PTPN9: variants seen among roughly 807,000 people sequenced by gnomAD.
PTPN9 encodes tyrosine-protein phosphatase non-receptor type 9.
Under a neutral mutation model 69.8 loss-of-function variants are expected in PTPN9, and 26 were observed. The observed-to-expected ratio is 0.37, with a 90% CI of 0.27 to 0.52. The LOEUF (loss-of-function observed/expected upper bound fraction) is 0.52, where lower values mean the gene tolerates loss of function less well. Among genes scored for constraint, PTPN9 ranks in the 20% least tolerant of loss-of-function variants. The pLI, the probability that PTPN9 is intolerant of heterozygous loss-of-function variation, is 0.91. For synonymous variants in PTPN9, 274 were observed against 272.5 expected, an observed-to-expected ratio of 1.01 and a Z score of -0.05; for missense variants, 549 against 740.3, an observed-to-expected ratio of 0.74 and a Z score of 3.00.
At chr15:75,513,386 T>C (rs1350994946) in intron 5 of PTPN9, 2 of 455,958 alleles carry the variant, frequency 4.4e-6, no homozygotes, top group East Asian at 1.4e-4. Context: ...ATGCTGTATA[T>C]TCTCCATAGA....
rs575195036 is a variant in PTPN9 at position 75,525,383 on chromosome 15, G to A, written c.208-1085C>T. ...TAATTTTTGTGTTTTTAGTAGAGAC[G>A]GGGTTTTGCCATGTTGCCCAGGCTG... On this transcript the variant is annotated intron_variant, in intron 2 of 12. Transcript: ENST00000618819. Among the ~76,000 whole-genome samples the A allele has an allele frequency of 9.9e-5, 15 of 151,026 alleles. No homozygotes were observed. In the South Asian group the frequency reaches 1.5e-3, roughly 15 times the overall value.
Position 75,492,399 on chromosome 15 carries a change from C to T in PTPN9, c.969-2098G>A, listed in dbSNP as rs189706137. On this transcript the variant is annotated intron_variant, in intron 7 of 12. Transcript: ENST00000618819. ...ACAGAAGCTAGGACCAAGGGAGGTA[C>T]CTATAGAGAGACAAGATGGCACACC... Among the ~76,000 whole-genome samples, 5 of 152,122 alleles carry T rather than the reference C, an allele frequency of 3.3e-5. No individual in the cohort carries two copies. In the East Asian group the frequency reaches 9.6e-4, roughly 29 times the overall value.
At chr15:75,503,450 G>A (rs1169893706) in intron 7 of PTPN9, among the ~76,000 whole-genome samples, 30 of 140,900 alleles carry the variant, frequency 2.1e-4, no homozygotes, top group Non-Finnish European at 3.7e-4. Flanking sequence ...CAGCCGCCCC[G>A]TCTGAGAAGT....
chr15:75,480,508 G>A (rs2074623351), intron 8 of PTPN9, among the ~76,000 whole-genome samples: 1 of 150,740 alleles, frequency 6.6e-6, no homozygotes, highest in Admixed American at 6.6e-5. Context: ...GCCCCAGAAG[G>A]CTCGAAGGCG....
chr15:75,510,070 T>C (rs934248032), intron 5 of PTPN9, among the ~76,000 whole-genome samples: 1 of 152,218 alleles, frequency 6.6e-6, no homozygotes, highest in Admixed American at 6.5e-5. Flanking sequence ...GTATGCATAA[T>C]CTTTTTTTAA....
At chr15:75,522,169 GACT>G (rs1175570549) in intron 4 of PTPN9, among the ~76,000 whole-genome samples, 2 of 152,148 alleles carry the variant, frequency 1.3e-5, no homozygotes, top group Non-Finnish European at 2.9e-5. Context: ...GAACCAGCTG[GACT>G]AACATATGAT....
chr15:75,482,556 C>T (rs1487951121), intron 8 of PTPN9, among the ~76,000 whole-genome samples: 1,199 of 99,234 alleles, frequency 0.012, no homozygotes, highest in African/African-American at 0.042. Context: ...CAGAGCGAGA[C>T]TCCGTCTCAA....
chr15:75,502,248 A>G (rs2074776889), intron 7 of PTPN9, among the ~76,000 whole-genome samples: 1 of 152,096 alleles, frequency 6.6e-6, no homozygotes. Flanking sequence ...GGAGTTCAAG[A>G]TCAACCTGGA....
At chr15:75,497,049 G>A (rs192999121) in intron 7 of PTPN9, among the ~76,000 whole-genome samples, 3 of 152,236 alleles carry the variant, frequency 2.0e-5, no homozygotes, top group Admixed American at 6.5e-5. Context: ...GTTCATGAGT[G>A]CTTATGCATA....
At position 75,485,354 on chromosome 15, in the gene PTPN9, C is replaced by CTTTTT. The variant is rs891447336; in HGVS notation, c.1062+4849_1062+4853dup. Among the ~76,000 whole-genome samples the CTTTTT allele has an allele frequency of 6.6e-3, 523 of 78,774 alleles. 5 individuals are homozygous for CTTTTT. The highest frequency in any genetic ancestry group is 0.012 in the African/African-American group (222 of 18,698). 51.7% of individuals were successfully genotyped at this position (78,774 alleles called of 152,430 possible). ...CATGCTTTGAAAAGAATTGTCACTTCTTTTTTTTTTTTTTTTTTTTTTTTT... is the reference window on the plus strand; with the variant it reads ...CATGCTTTGAAAAGAATTGTCACTTCTTTTTTTTTTTTTTTTTTTTTTTTTTTTTT... On this transcript the variant is annotated intron_variant, in intron 8 of 12. Transcript: ENST00000618819.
chr15:75,553,842 C>T (rs1373640220), intron 1 of PTPN9, among the ~76,000 whole-genome samples: 1 of 152,016 alleles, frequency 6.6e-6, no homozygotes, highest in Non-Finnish European at 1.5e-5. Flanking sequence ...TGAATTAATC[C>T]TGAGTCTGAG....
chr15:75,502,174 C>T lies in PTPN9; in HGVS notation c.968+3501G>A, dbSNP rs551617457. Among the ~76,000 whole-genome samples, 4 of 152,106 alleles carry T rather than the reference C, an allele frequency of 2.6e-5. No homozygotes were observed. In the South Asian group the frequency reaches 6.3e-4, roughly 24 times the overall value. ...AGAAAAAAGAAAAAGAGGCCAGGTGCGGTAGATCATACCTGTAATCCCAGC... is the reference window on the plus strand; with the variant it reads ...AGAAAAAAGAAAAAGAGGCCAGGTGTGGTAGATCATACCTGTAATCCCAGC... On this transcript the variant is annotated intron_variant, in intron 7 of 12. Transcript: ENST00000618819.
At chr15:75,492,306 C>T (rs2074715437) in intron 7 of PTPN9, among the ~76,000 whole-genome samples, 2 of 152,156 alleles carry the variant, frequency 1.3e-5, no homozygotes, top group Admixed American at 1.3e-4. Context: ...CATCAGCACA[C>T]AAAGAGTGTT....
chr15:75,465,783 G>A lies in PTPN9; in HGVS notation c.*2986C>T, dbSNP rs569243531. On this transcript the variant is annotated 3_prime_UTR_variant, in exon 13 of 13. Coordinates refer to ENST00000618819, the MANE Select transcript of PTPN9 (RefSeq NM_002833.4). ...TTCAGATATGCAATGAGGAACTCAT[G>A]CATAACCTTAAATTCACAGGGCAGT... is the stretch of plus-strand genomic sequence containing the variant. 6.6e-6 allele frequency: 1 copy of A among 152,302 alleles called. No individual in the cohort carries two copies. The highest frequency in any genetic ancestry group is 2.4e-5 in the African/African-American group (1 of 41,552). 9.4% of individuals were successfully genotyped at this position (152,302 alleles called of 1,614,324 possible).
intron 7 of PTPN9, among the ~76,000 whole-genome samples, chr15:75,497,309 G>C (rs766203922): frequency 6.6e-6 from 1 of 151,472 alleles, no homozygotes; most frequent in Non-Finnish European, 1.5e-5. Flanking sequence ...GGGCAACAGA[G>C]CAAGACTCCA....
intron 7 of PTPN9, among the ~76,000 whole-genome samples, chr15:75,501,916 G>C (rs1442820519): frequency 1.3e-5 from 2 of 152,064 alleles, no homozygotes; most frequent in Admixed American, 1.3e-4. Flanking sequence ...CCAACACTTT[G>C]GGAGGTTGAG....
At chr15:75,544,521 C>T (rs980356875) in intron 1 of PTPN9, among the ~76,000 whole-genome samples, 1 of 152,024 alleles carries the variant, frequency 6.6e-6, no homozygotes, top group South Asian at 2.1e-4. Flanking sequence ...CAGAGCAGAA[C>T]CTGTCTCAAA....
Position 75,481,867 on chromosome 15 carries a change from C to G in PTPN9, c.1063-1953G>C, listed in dbSNP as rs1567470193. On this transcript the variant is annotated intron_variant, in intron 8 of 12. Coordinates refer to ENST00000618819, the MANE Select transcript of PTPN9 (RefSeq NM_002833.4). ...AGCGCCCCTGCCTGGCCAGCCGCCCCTCCGGGAGGTGAGGGGGCGCCTCTG... is the reference window on the plus strand; with the variant it reads ...AGCGCCCCTGCCTGGCCAGCCGCCCGTCCGGGAGGTGAGGGGGCGCCTCTG... Among the ~76,000 whole-genome samples, 12 of 143,530 alleles carry G rather than the reference C, an allele frequency of 8.4e-5. No individual in the cohort carries two copies. The East Asian group carries it at 2.1e-3, about 26-fold the overall frequency. The allele number at this position is 143,530 out of a possible 152,430, so 94.2% of individuals were successfully genotyped here. A position where few individuals can be genotyped will look rare whatever the true frequency, so the allele number is the denominator to read the frequency against.
Position 75,469,784 on chromosome 15 carries a change from T to C in PTPN9, c.1567+8A>G. Reference sequence around the variant, plus strand: ...TGCAGACACCAAGAGCTGCATTAGGTGCGTTACCTGTCCTGCCAATGCCTG... The same window carrying C: ...TGCAGACACCAAGAGCTGCATTAGGCGCGTTACCTGTCCTGCCAATGCCTG... On this transcript the variant is annotated splice_region_variant and intron_variant, in intron 12 of 12. Coordinates refer to ENST00000618819, the MANE Select transcript of PTPN9 (RefSeq NM_002833.4). 6.2e-7 allele frequency: 1 copy of C among 1,612,088 alleles called. No homozygotes were observed. The highest frequency in any genetic ancestry group is 8.5e-7 in the Non-Finnish European group (1 of 1,179,732).
Sources: allele counts gnomAD v4.1 joint callset (sites outside exome capture counted in the v4.1 genomes callset), GRCh38; gene constraint gnomAD v4.1.1; transcripts MANE v1.5; gene names NCBI Gene and HGNC (gene_info 2026-07-23, HGNC 2026-07-21).